PTPRH: variants seen among roughly 807,000 people sequenced by gnomAD.
PTPRH encodes protein tyrosine phosphatase receptor type H, also known as receptor-type tyrosine-protein phosphatase H.
In PTPRH, 113 loss-of-function variants were observed where a neutral mutation model predicts 130.2. The observed-to-expected ratio is 0.87, with a 90% confidence interval of 0.75 to 1.01. The LOEUF (loss-of-function observed/expected upper bound fraction) is 1.01. Among genes scored for constraint, PTPRH ranks in the 50% least tolerant of loss-of-function variants. PTPRH has a pLI of 0.00. For missense variants in PTPRH, 1,430 were observed against 1,425.0 expected (o/e 1.00, Z -0.06); for synonymous variants, 556 against 577.9 (o/e 0.96, Z 0.54).
rs756719627 is a variant in PTPRH, at chr19:55,197,079, C to T, written c.1990+38G>A. 4 of 1,605,842 alleles carry T rather than the reference C, an allele frequency of 2.5e-6. No homozygotes were observed. In the East Asian group the frequency reaches 6.7e-5, roughly 27 times the overall value. On this transcript the variant is annotated intron_variant, in intron 9 of 19. Coordinates refer to ENST00000376350, the MANE Select transcript of PTPRH (RefSeq NM_002842.5). ...CAGCTCGCAAGGACTGTGAGCTAAG[C>T]CCAGTTCACCACTTGAAGGCAGGAA...
intron 10 of PTPRH, among the ~76,000 whole-genome samples, chr19:55,195,604 G>A (rs1170413805): frequency 2.0e-5 from 3 of 152,116 alleles, no homozygotes; most frequent in Non-Finnish European, 2.9e-5. Flanking sequence ...ACAGGGTCTC[G>A]TTCCTTCACC....
rs1433669868 is a variant in PTPRH at position 55,181,679 on chromosome 19, C to A, written c.*75G>T. ...GAGTCTGGGAGCCCAGCCCTCTGCT[C>A]TTCCAGGAATCTGGGCTCAAGTGGG... On this transcript the variant is annotated 3_prime_UTR_variant, in exon 20 of 20. Transcript: ENST00000376350. 3 of 1,584,628 alleles carry A rather than the reference C, an allele frequency of 1.9e-6. No individual in the cohort carries two copies. Among genetic ancestry groups the A allele is most frequent in the Admixed American group, 1.7e-5 (1 of 59,186 alleles).
At chr19:55,191,276 A>C (rs2086526901) in intron 12 of PTPRH, among the ~76,000 whole-genome samples, 1 of 152,188 alleles carries the variant, frequency 6.6e-6, no homozygotes. Flanking sequence ...CTGCTGAATG[A>C]ATGAATGTCC....
rs1003104888 is a variant in PTPRH at position 55,197,122 on chromosome 19, G to C, written c.1985C>G (p.Ser662Cys). The change falls in exon 9 of 20, where the codon TCC becomes TGC. Residue 662 changes from serine (S) to cysteine (C), a missense_variant. Ser to Cys is a moderately radical substitution (Grantham distance 112). Transcript: ENST00000376350. ...VASSTQSLCASTYPDTVTITS... is the reference protein window; with the variant it reads ...VASSTQSLCACTYPDTVTITS... ...GGCAGGAAGGGGATTCTCACATGTGGACGCACAGAGGCTCTGCGTGGAACT... is the reference window on the plus strand; with the variant it reads ...GGCAGGAAGGGGATTCTCACATGTGCACGCACAGAGGCTCTGCGTGGAACT... 1.9e-6 allele frequency: 3 copies of C among 1,613,624 alleles called. No homozygotes were observed. The African/African-American group carries it at 4.0e-5, about 22-fold the overall frequency.
chr19:55,185,946 G>A lies in PTPRH; in HGVS notation c.2817C>T (p.Pro939=), dbSNP rs778872095. The A allele has an allele frequency of 1.2e-6, 2 of 1,614,058 alleles. No homozygotes were observed. The highest frequency in any genetic ancestry group is 8.5e-7 in the Non-Finnish European group (1 of 1,179,968). Residue 939 remains proline, a synonymous_variant, in exon 17 of 20, where the codon CCC becomes CCT. Transcript: ENST00000376350. ...TTACCCGCAGGTGCCCATGGGTGCAGGGCTGCGAGTCCAGAGGCCAGTAAT... is the reference window on the plus strand; with the variant it reads ...TTACCCGCAGGTGCCCATGGGTGCAAGGCTGCGAGTCCAGAGGCCAGTAAT... ...CEHYWPLDSQ[P]CTHGHLRVTL...
chr19:55,197,551 G>C (rs1250121421), intron 8 of PTPRH, 135 bp from the exon 9 acceptor site: 1 of 823,310 alleles, frequency 1.2e-6, no homozygotes. Flanking sequence ...TGAACCACAG[G>C]AAAGAGTCTA....
chr19:55,195,240 G>A (rs748982927), intron 10 of PTPRH, among the ~76,000 whole-genome samples: 1 of 152,098 alleles, frequency 6.6e-6, no homozygotes, highest in Non-Finnish European at 1.5e-5. Context: ...CAGGAGAATC[G>A]CTTGAACCCG....
chr19:55,194,165 A>G (rs2086621139), intron 10 of PTPRH: 5 of 1,288,720 alleles, frequency 3.9e-6, no homozygotes, highest in African/African-American at 1.5e-5. Flanking sequence ...GGTGGTGTCT[A>G]TGGGTGCTCT....
chr19:55,194,038 C>G (rs2086617325), intron 10 of PTPRH: 3 of 601,604 alleles, frequency 5.0e-6, no homozygotes, highest in Non-Finnish European at 7.5e-6. Flanking sequence ...TTAGTAGAGA[C>G]AGGGTTTCTC....
chr19:55,198,836 C>T lies in PTPRH; in HGVS notation c.1497G>A (p.Gln499=), dbSNP rs371888020. 13 of 1,601,200 alleles carry T rather than the reference C, an allele frequency of 8.1e-6. No homozygotes were observed. Among genetic ancestry groups the T allele is most frequent in the East Asian group, 2.2e-5 (1 of 44,654 alleles). Residue 499 remains glutamine (Q), a synonymous_variant, in exon 8 of 20, where the codon CAG becomes CAA. Coordinates refer to ENST00000376350, the MANE Select transcript of PTPRH (RefSeq NM_002842.5). ...AGCTGTAGGAAGACTGGCCTGGGCCCTGGGGAGCTGTCCAGCGCAAAGCAA... is the reference window on the plus strand; with the variant it reads ...AGCTGTAGGAAGACTGGCCTGGGCCTTGGGGAGCTGTCCAGCGCAAAGCAA... ...STIALRWTAP[Q]GPGQSSYSYW... is the part of the protein sequence containing the mutation.
At chr19:55,188,976 ACTTT>A (rs925540799) in intron 12 of PTPRH, among the ~76,000 whole-genome samples, 1 of 151,812 alleles carries the variant, frequency 6.6e-6, no homozygotes, top group African/African-American at 2.4e-5. Flanking sequence ...CTGTAGTTTC[ACTTT>A]CTTTCTTTTT....
intron 3 of PTPRH, among the ~76,000 whole-genome samples, chr19:55,205,802 G>C (rs942809512): frequency 1.3e-5 from 2 of 152,220 alleles, no homozygotes; most frequent in East Asian, 3.8e-4. Flanking sequence ...ATCCACACCG[G>C]CTTTCGAAGA....
In PTPRH at chr19:55,181,588, C is replaced by G; in HGVS notation, c.*166G>C. 1 of 925,076 alleles carries G rather than the reference C, an allele frequency of 1.1e-6. No homozygotes were observed. 57.3% of individuals were successfully genotyped at this position (925,076 alleles called of 1,614,324 possible). A position where few individuals can be genotyped will look rare whatever the true frequency, so the allele number is the denominator to read the frequency against. On this transcript the variant is annotated 3_prime_UTR_variant, in exon 20 of 20. Transcript: ENST00000376350. The stretch of plus-strand genomic sequence containing the variant: ...TCCCATAGGACTCATCTGAAGCCCA[C>G]CAGACCACTCTCTCCTGGGGAAACC...
chr19:55,185,574 A>T lies in PTPRH; in HGVS notation c.2990T>A (p.Leu997Gln). 1.2e-6 allele frequency: 2 copies of T among 1,614,218 alleles called. No homozygotes were observed. Among genetic ancestry groups the T allele is most frequent in the Non-Finnish European group, 1.7e-6 (2 of 1,180,028 alleles). Residue 997 changes from leucine (L) to glutamine (Q), a missense_variant, in exon 18 of 20, where the codon CTG becomes CAG. Transcript: ENST00000376350. Reference sequence around the variant, plus strand: ...CTGCCGAAGCATCCTCCAGAAAGCCAGCAAGGTGTCTGGGGAGGAGGGAAC... The same window carrying T: ...CTGCCGAAGCATCCTCCAGAAAGCCTGCAAGGTGTCTGGGGAGGAGGGAAC... ...HGVPSSPDTL[L>Q]AFWRMLRQWL...
intron 4 of PTPRH, among the ~76,000 whole-genome samples, chr19:55,204,677 CACTTTGAGTAACAAAG>C (rs1449526747): frequency 6.6e-6 from 1 of 151,986 alleles, no homozygotes; most frequent in African/African-American, 2.4e-5. Context: ...ACATGGACCA[CACTTTGAGTAACAAAG>C]ACCTGAGCCA....
At chr19:55,182,223 G>A (rs2086198323) in intron 18 of PTPRH, 72 bp from the exon 19 acceptor site, 1 of 1,517,970 alleles carries the variant, frequency 6.6e-7, no homozygotes. Flanking sequence ...CTGATTGGAG[G>A]GATCTGTGTT....
rs755684524 is a variant in PTPRH at position 55,205,420 on chromosome 19, C to T, written c.525G>A (p.Val175=). The change falls in exon 4 of 20, where the codon GTG becomes GTA. Residue 175 remains valine (V), a synonymous_variant. Transcript: ENST00000376350. ...ACAAACACCCGGGTTCAAGTCCATC[C>T]ACGGTGATGTTAGTGTGTGCTGTGC... The part of the protein sequence containing the change: ...TRSTAHTNIT[V]DGLEPGCLYA... 1 of 1,614,056 alleles carries T rather than the reference C, an allele frequency of 6.2e-7. No individual in the cohort carries two copies. The highest frequency in any genetic ancestry group is 1.3e-5 in the African/African-American group (1 of 74,916).
In PTPRH at chr19:55,181,679, C is replaced by T; in HGVS notation, c.*75G>A. On this transcript the variant is annotated 3_prime_UTR_variant, in exon 20 of 20. Transcript: ENST00000376350. ...GAGTCTGGGAGCCCAGCCCTCTGCT[C>T]TTCCAGGAATCTGGGCTCAAGTGGG... 1.3e-6 allele frequency: 2 copies of T among 1,584,746 alleles called. No homozygotes were observed. The highest frequency in any genetic ancestry group is 2.3e-5 in the South Asian group (2 of 88,282).
At position 55,203,429 on chromosome 19, in the gene PTPRH, T is replaced by G. The variant is rs779101722; in HGVS notation, c.886+353A>C. Among the ~76,000 whole-genome samples the G allele has an allele frequency of 2.2e-4, 34 of 151,702 alleles. 1 individual carries two copies. Among genetic ancestry groups the G allele is most frequent in the South Asian group, 2.1e-4 (1 of 4,814 alleles). ...CTTCCTTCCTTCCTTCCTTCTTTCT[T>G]TTTTGAGACAGGGTTTCTCTCTGTT... On this transcript the variant is annotated intron_variant, in intron 5 of 19. Coordinates refer to ENST00000376350, the MANE Select transcript of PTPRH (RefSeq NM_002842.5).
Sources: allele counts gnomAD v4.1 joint callset (sites outside exome capture counted in the v4.1 genomes callset), GRCh38; gene constraint gnomAD v4.1.1; transcripts MANE v1.5; gene names NCBI Gene and HGNC (gene_info 2026-07-23, HGNC 2026-07-21).